MYO16: variants seen among roughly 807,000 people sequenced by gnomAD.
The protein encoded by MYO16 is myosin XVI.
Under a neutral mutation model 205.3 loss-of-function variants are expected in MYO16, and 94 were observed. The observed-to-expected ratio is 0.46, with a 90% CI of 0.39 to 0.54. MYO16 has a LOEUF of 0.54. Among genes scored for constraint, MYO16 ranks in the 20% least tolerant of loss-of-function variants. The pLI is 0.00. For missense variants in MYO16, 2,315 were observed against 2,387.5 expected (o/e 0.97, Z 0.63); for synonymous variants, 988 against 954.0 (o/e 1.04, Z -0.66).
the MYO16 span, among the ~76,000 whole-genome samples, chr13:108,563,121 T>C: frequency 7.9e-5 from 12 of 152,224 alleles, no homozygotes; most frequent in Non-Finnish European, 1.6e-4. Context: ...TTCTGCGTTT[T>C]GTTATTGGAG....
the MYO16 span, among the ~76,000 whole-genome samples, chr13:108,590,941 A>G: frequency 2.0e-5 from 3 of 152,214 alleles, no homozygotes; most frequent in Non-Finnish European, 2.9e-5. Flanking sequence ...CTACTTGGTC[A>G]TGGCAGTCCT....
chr13:108,537,459 CAT>C, the MYO16 span, among the ~76,000 whole-genome samples: 3 of 152,254 alleles, frequency 2.0e-5, no homozygotes, highest in Admixed American at 2.0e-4. Context: ...CTGTGATAAA[CAT>C]ATGACTATAG....
At chr13:109,008,124 T>C (rs1464172562) in intron 21 of MYO16, among the ~76,000 whole-genome samples, 2 of 152,260 alleles carry the variant, frequency 1.3e-5, no homozygotes, top group Non-Finnish European at 2.9e-5. Context: ...ATACTTGATC[T>C]GTGAAATATG....
At chr13:109,107,884 G>A (rs1174800438) in intron 28 of MYO16, among the ~76,000 whole-genome samples, 1 of 145,440 alleles carries the variant, frequency 6.9e-6, no homozygotes, top group East Asian at 2.0e-4. Flanking sequence ...TTCTTCTTTT[G>A]TGCCAAACAC....
At chr13:108,692,723 A>G (rs1882946142) in intron 2 of MYO16, among the ~76,000 whole-genome samples, 1 of 152,240 alleles carries the variant, frequency 6.6e-6, no homozygotes, top group Non-Finnish European at 1.5e-5. Context: ...GAGGGTTAAA[A>G]GAAAAATGTG....
chr13:108,645,915 A>G (rs981164830), intron 1 of MYO16, among the ~76,000 whole-genome samples: 1 of 152,194 alleles, frequency 6.6e-6, no homozygotes, highest in South Asian at 2.1e-4. Context: ...TGAACAGAGC[A>G]TAAGTAGTCC....
intron 27 of MYO16, among the ~76,000 whole-genome samples, chr13:109,083,749 G>A (rs192456925): frequency 9.2e-5 from 14 of 152,284 alleles, no homozygotes; most frequent in Admixed American, 9.2e-4. Context: ...AATCTCTCAA[G>A]TGTGCAGATA....
At chr13:109,084,094 A>G (rs923493836) in intron 27 of MYO16, among the ~76,000 whole-genome samples, 4 of 152,240 alleles carry the variant, frequency 2.6e-5, no homozygotes, top group Admixed American at 6.5e-5. Flanking sequence ...GCAAATTGTC[A>G]TAGTCTTCTT....
chr13:108,744,443 GA>G (rs373405838), intron 4 of MYO16, among the ~76,000 whole-genome samples: 1 of 152,076 alleles, frequency 6.6e-6, no homozygotes, highest in African/African-American at 2.4e-5. Context: ...GTTAAAAAAA[GA>G]AAAAAATAAT....
chr13:108,680,406 T>G (rs1020522690), intron 2 of MYO16, among the ~76,000 whole-genome samples: 6 of 152,238 alleles, frequency 3.9e-5, no homozygotes, highest in African/African-American at 1.4e-4. Context: ...TTCATCTTAT[T>G]GAATGTCAGA....
upstream of MYO16, among the ~76,000 whole-genome samples, chr13:108,595,203 C>T (rs1878512004): frequency 1.3e-5 from 2 of 152,148 alleles, no homozygotes; most frequent in Non-Finnish European, 2.9e-5. Flanking sequence ...GGATTTCTTT[C>T]AGGGACCAGT....
intron 28 of MYO16, among the ~76,000 whole-genome samples, chr13:109,109,200 T>G (rs1363321048): frequency 6.6e-6 from 1 of 151,424 alleles, no homozygotes; most frequent in East Asian, 1.9e-4. Context: ...TTTCCCCAAC[T>G]TCAAGATTAT....
intron 27 of MYO16, among the ~76,000 whole-genome samples, chr13:109,093,897 T>C (rs1379202390): frequency 6.6e-6 from 1 of 152,150 alleles, no homozygotes; most frequent in Non-Finnish European, 1.5e-5. Context: ...ACAGAGCTCC[T>C]GGGCTGGAAC....
intron 4 of MYO16, among the ~76,000 whole-genome samples, chr13:108,763,730 A>G (rs1885686740): frequency 6.6e-6 from 1 of 151,734 alleles, no homozygotes; most frequent in South Asian, 2.1e-4. Context: ...GAAGACATCC[A>G]CTTTGAGAAG....
intron 6 of MYO16, among the ~76,000 whole-genome samples, chr13:108,795,401 G>T (rs1316914333): frequency 6.6e-6 from 1 of 151,930 alleles, no homozygotes; most frequent in Non-Finnish European, 1.5e-5. Context: ...TTAGAGACGG[G>T]GTTTCACCAT....
chr13:108,603,201 T>G (rs1375120517), intron 1 of MYO16, among the ~76,000 whole-genome samples: 1 of 152,154 alleles, frequency 6.6e-6, no homozygotes, highest in African/African-American at 2.4e-5. Flanking sequence ...GTGTTGGAGA[T>G]GAAGAGACAG....
At chr13:109,061,510 G>A (rs1352971694) in intron 27 of MYO16, among the ~76,000 whole-genome samples, 2 of 152,156 alleles carry the variant, frequency 1.3e-5, no homozygotes, top group Non-Finnish European at 2.9e-5. Flanking sequence ...CTGTGTTTCA[G>A]TGAATAGGGA....
intron 21 of MYO16, among the ~76,000 whole-genome samples, chr13:109,007,197 T>G (rs1359135074): frequency 6.6e-5 from 10 of 152,006 alleles, no homozygotes; most frequent in South Asian, 2.1e-4. Context: ...GACCAACCTG[T>G]CTAACATGGT....
intron 27 of MYO16, among the ~76,000 whole-genome samples, chr13:109,056,866 T>G (rs184380609): frequency 6.6e-6 from 1 of 152,288 alleles, no homozygotes; most frequent in East Asian, 1.9e-4. Flanking sequence ...AAAATAATAC[T>G]GATGTAAACT....
Sources: allele counts gnomAD v4.1 joint callset (sites outside exome capture counted in the v4.1 genomes callset), GRCh38; gene constraint gnomAD v4.1.1; transcripts MANE v1.5; gene names NCBI Gene and HGNC (gene_info 2026-07-23, HGNC 2026-07-21).